The following DSCAM variants were observed in gnomAD, a reference collection of about 807,000 sequenced individuals.
DSCAM encodes the protein DS cell adhesion molecule.
A neutral mutation model predicts 217.7 loss-of-function variants in DSCAM; 47 were observed. That is an observed-to-expected ratio of 0.22 (90% confidence interval 0.17 to 0.28). The LOEUF (loss-of-function observed/expected upper bound fraction) is 0.28, where lower values mean the gene tolerates loss of function less well. Ranked by LOEUF, DSCAM falls within the 10% of genes least tolerant of loss-of-function variation. The probability of loss-of-function intolerance (pLI) is 1.00; values close to 1 mark genes in which losing one functional copy is unlikely to be tolerated. For missense variants in DSCAM, 2,080 were observed against 2,618.3 expected (o/e 0.79, Z 4.49); for synonymous variants, 1,056 against 1,015.3 (o/e 1.04, Z -0.76).
rs191898139 is a variant in DSCAM, at chr21:40,845,955, C to T, written c.43+664G>A. ...TTGGCTGGGCATGAGGAAATGTATG[C>T]TATTTACAATATTCACTGATTTCAT... On this transcript the variant is annotated intron_variant, in intron 1 of 32. Transcript: ENST00000400454. 7.9e-5 allele frequency among the ~76,000 whole-genome samples: 12 copies of T among 151,116 alleles called. No homozygotes were observed. In the East Asian group the frequency reaches 2.3e-3, roughly 29 times the overall value.
chr21:40,808,538 A>G (rs1477242894), intron 1 of DSCAM, among the ~76,000 whole-genome samples: 1 of 148,858 alleles, frequency 6.7e-6, no homozygotes, highest in Non-Finnish European at 1.5e-5. Context: ...CAGTGGCATG[A>G]TCACAGCACA....
chr21:40,055,946 C>T lies in DSCAM; in HGVS notation c.4920-106G>A, dbSNP rs905291149. The stretch of plus-strand genomic sequence containing the variant: ...AGTTTATTGTCTAAATATACAAATA[C>T]CTTGTGAGGAGGGGAACAGAAAACG... On this transcript the variant is annotated intron_variant, in intron 28 of 32. Transcript: ENST00000400454. 3.5e-5 allele frequency: 27 copies of T among 760,950 alleles called. No individual in the cohort carries two copies. The African/African-American group carries it at 4.3e-4, about 12-fold the overall frequency. 47.1% of individuals were successfully genotyped at this position (760,950 alleles called of 1,614,324 possible).
At chr21:40,030,740 C>CTGAGGAGTATT (rs1238762854) in intron 32 of DSCAM, among the ~76,000 whole-genome samples, 2 of 152,202 alleles carry the variant, frequency 1.3e-5, no homozygotes, top group East Asian at 3.8e-4. Flanking sequence ...CCAGGTCTCT[C>CTGAGGAGTATT]TGAGGAGTAT....
chr21:40,148,236 G>C (rs2090382042), intron 16 of DSCAM, among the ~76,000 whole-genome samples: 1 of 151,994 alleles, frequency 6.6e-6, no homozygotes, highest in Non-Finnish European at 1.5e-5. Context: ...TTTTCATGCA[G>C]AATAAATTGT....
rs73364903 is a variant in DSCAM at position 40,516,245 on chromosome 21, T to C, written c.509-147000A>G. Among the ~76,000 whole-genome samples the C allele has an allele frequency of 2.3e-3, 352 of 152,286 alleles. 3 individuals carry two copies. Among genetic ancestry groups the C allele is most frequent in the African/African-American group, 8.2e-3 (339 of 41,556 alleles). On this transcript the variant is annotated intron_variant, in intron 3 of 32. Coordinates refer to ENST00000400454, the MANE Select transcript of DSCAM (RefSeq NM_001389.5). ...CACTACTTCCCCAAATGCTAATTAA[T>C]TCTAACTCTAAACTATGTAATTATA... is the stretch of plus-strand genomic sequence containing the variant.
chr21:40,439,961 T>C (rs1489750881), intron 3 of DSCAM, among the ~76,000 whole-genome samples: 1 of 152,122 alleles, frequency 6.6e-6, no homozygotes, highest in Non-Finnish European at 1.5e-5. Flanking sequence ...CATATCACCT[T>C]CTGGACCCCT....
At chr21:40,480,395 AGT>A (rs2075972204) in intron 3 of DSCAM, among the ~76,000 whole-genome samples, 1 of 152,194 alleles carries the variant, frequency 6.6e-6, no homozygotes, top group Non-Finnish European at 1.5e-5. Flanking sequence ...ATCTGAACTC[AGT>A]GTGAACAAAT....
intron 20 of DSCAM, among the ~76,000 whole-genome samples, chr21:40,113,789 T>G (rs183248072): frequency 5.5e-4 from 83 of 152,242 alleles, no homozygotes; most frequent in Middle Eastern, 3.4e-3. Context: ...GAGAGCCAAA[T>G]CATGACTGAA....
chr21:40,032,968 G>C (rs895701128), intron 32 of DSCAM, among the ~76,000 whole-genome samples: 1 of 152,168 alleles, frequency 6.6e-6, no homozygotes, highest in South Asian at 2.1e-4. Flanking sequence ...ACAAAGCATT[G>C]CAGAGGAGGA....
In DSCAM at chr21:40,603,237, A is replaced by G. The variant is rs1008468879; in HGVS notation, c.508+89573T>C. Among the ~76,000 whole-genome samples the G allele has an allele frequency of 1.6e-4, 25 of 152,228 alleles. 1 individual carries two copies. The highest frequency in any genetic ancestry group is 1.4e-3 in the Admixed American group (21 of 15,300). On this transcript the variant is annotated intron_variant, in intron 3 of 32. Transcript: ENST00000400454. Reference sequence around the variant, plus strand: ...TTTTAATTTTCTTGAGATGTCTTTTATAGTCCAGAATATAGTCTTGGTGAA... The same window carrying G: ...TTTTAATTTTCTTGAGATGTCTTTTGTAGTCCAGAATATAGTCTTGGTGAA...
rs148333628 is a variant in DSCAM, at chr21:40,256,404, C to CAGAGAGAGAGAG, written c.2356+19681_2356+19692dup. 3.8e-3 allele frequency among the ~76,000 whole-genome samples: 567 copies of CAGAGAGAGAGAG among 147,714 alleles called. 5 individuals carry two copies. The highest frequency in any genetic ancestry group is 0.013 in the African/African-American group (520 of 39,976). Reference sequence around the variant, plus strand: ...AACCAATAGGAGAGAGAGAGACAGACAGAGAGAGAGAGAGAGAGACAGAGA... The same window carrying CAGAGAGAGAGAG: ...AACCAATAGGAGAGAGAGAGACAGACAGAGAGAGAGAGAGAGAGAGAGAGAGAGAGACAGAGA... On this transcript the variant is annotated intron_variant, in intron 11 of 32. Coordinates refer to ENST00000400454, the MANE Select transcript of DSCAM (RefSeq NM_001389.5).
chr21:40,420,691 C>T (rs1274775845), intron 3 of DSCAM, among the ~76,000 whole-genome samples: 2 of 152,146 alleles, frequency 1.3e-5, no homozygotes, highest in Non-Finnish European at 2.9e-5. Flanking sequence ...ATCCAATATG[C>T]CTGGTATCTT....
At chr21:40,644,012 A>C (rs111899596) in intron 3 of DSCAM, among the ~76,000 whole-genome samples, 2,755 of 152,304 alleles carry the variant, frequency 0.018, 95 homozygotes, top group African/African-American at 0.064. Flanking sequence ...ATGCATAAAA[A>C]CCATGGCAGA....
At chr21:40,249,742 T>G (rs1414288494) in intron 11 of DSCAM, among the ~76,000 whole-genome samples, 1 of 152,006 alleles carries the variant, frequency 6.6e-6, no homozygotes, top group African/African-American at 2.4e-5. Context: ...GAGTTAAGCT[T>G]TAGGAAACAC....
intron 27 of DSCAM, among the ~76,000 whole-genome samples, chr21:40,063,540 A>C (rs2089157007): frequency 6.6e-6 from 1 of 152,088 alleles, no homozygotes; most frequent in South Asian, 2.1e-4. Context: ...CGTTTCCTTT[A>C]AAATATAATT....
At chr21:40,304,015 T>A (rs1444702538) in intron 9 of DSCAM, among the ~76,000 whole-genome samples, 1 of 152,202 alleles carries the variant, frequency 6.6e-6, no homozygotes, top group Non-Finnish European at 1.5e-5. Flanking sequence ...CCTAATGCGT[T>A]ATTTCTAATA....
intron 3 of DSCAM, among the ~76,000 whole-genome samples, chr21:40,674,101 C>G (rs543374757): frequency 6.6e-6 from 1 of 152,156 alleles, no homozygotes; most frequent in Non-Finnish European, 1.5e-5. Context: ...ATTTTTTGAA[C>G]CAGAATCCAC....
At chr21:40,104,857 T>C (rs1204728717) in intron 20 of DSCAM, among the ~76,000 whole-genome samples, 1 of 152,184 alleles carries the variant, frequency 6.6e-6, no homozygotes, top group Non-Finnish European at 1.5e-5. Context: ...CTAAAACTGC[T>C]TAAAAAATAA....
intron 4 of DSCAM, among the ~76,000 whole-genome samples, chr21:40,360,278 G>A (rs1009594358): frequency 2.0e-5 from 3 of 151,566 alleles, no homozygotes; most frequent in Non-Finnish European, 4.4e-5. Context: ...GACTACAGGC[G>A]CCTACCACCA....
Sources: gnomAD v4.1 joint callset for allele counts (sites outside exome capture counted in the v4.1 genomes callset) on GRCh38, gnomAD v4.1.1 for gene constraint, MANE v1.5 for transcripts, NCBI Gene and HGNC (gene_info 2026-07-23, HGNC 2026-07-21) for gene names.